CDH18: variants seen among roughly 807,000 people sequenced by gnomAD.
The protein encoded by CDH18 is cadherin-18.
Under a neutral mutation model 67.9 loss-of-function variants are expected in CDH18, and 31 were observed. The ratio of observed to expected loss-of-function variants is 0.46; its 90% confidence interval spans 0.34 to 0.62. The LOEUF is 0.62. CDH18 is among the 20% of genes least tolerant of loss of function. The probability of loss-of-function intolerance (pLI) is 0.01; values close to 1 mark genes in which losing one functional copy is unlikely to be tolerated. For synonymous variants in CDH18, 362 were observed against 347.2 expected, an observed-to-expected ratio of 1.04 and a Z score of -0.48; for missense variants, 890 against 975.5, an observed-to-expected ratio of 0.91 and a Z score of 1.17.
chr5:20,402,650 G>A (rs1450274172), intron 1 of CDH18, among the ~76,000 whole-genome samples: 1 of 152,050 alleles, frequency 6.6e-6, no homozygotes, highest in African/African-American at 2.4e-5. Context: ...TTAAAATATT[G>A]CTGAAAATTA....
intron 9 of CDH18, among the ~76,000 whole-genome samples, chr5:19,537,006 G>A (rs556945328): frequency 6.6e-6 from 1 of 152,204 alleles, no homozygotes. Context: ...ATGGTACTGT[G>A]ATGGTTAATT....
chr5:20,394,693 A>T (rs376150192), intron 1 of CDH18, among the ~76,000 whole-genome samples: 139 of 152,222 alleles, frequency 9.1e-4, no homozygotes, highest in African/African-American at 3.2e-3. Flanking sequence ...TTCAGCAAAG[A>T]CCTCACATCC....
At chr5:20,179,039 T>C (rs1342602604) in intron 2 of CDH18, among the ~76,000 whole-genome samples, 1 of 152,092 alleles carries the variant, frequency 6.6e-6, no homozygotes, top group Non-Finnish European at 1.5e-5. Flanking sequence ...TTAAATAAAC[T>C]AGTAGCAATA....
chr5:19,857,033 G>A (rs754972488), intron 2 of CDH18, among the ~76,000 whole-genome samples: 54 of 151,886 alleles, frequency 3.6e-4, no homozygotes, highest in Non-Finnish European at 7.1e-4. Flanking sequence ...GACAAGCCAG[G>A]GCAACATAGT....
intron 2 of CDH18, among the ~76,000 whole-genome samples, chr5:20,112,243 T>C (rs780749065): frequency 2.0e-5 from 3 of 152,184 alleles, no homozygotes; most frequent in Non-Finnish European, 2.9e-5. Context: ...TCAGTATTAG[T>C]TAATAATTAT....
At chr5:19,824,400 G>A (rs1402521564) in intron 3 of CDH18, among the ~76,000 whole-genome samples, 1 of 152,200 alleles carries the variant, frequency 6.6e-6, no homozygotes, top group East Asian at 1.9e-4. Context: ...ATGGGAAAGG[G>A]TGAGTGATCG....
chr5:19,772,432 T>C (rs1484416304), intron 3 of CDH18, among the ~76,000 whole-genome samples: 1 of 151,650 alleles, frequency 6.6e-6, no homozygotes, highest in Non-Finnish European at 1.5e-5. Context: ...AGAGAAAGAG[T>C]TGAAGATGTT....
rs551538893 is a variant in CDH18 at position 20,426,067 on chromosome 5, A to G, written c.-580+149395T>C. ...TAATTTTCATCAAATATTAGGCAAT[A>G]TATCAGAGCTTTGTTTGCTCTGAAC... On this transcript the variant is annotated intron_variant, in intron 1 of 14. Coordinates refer to the CDH18 transcript ENST00000507958. Among the ~76,000 whole-genome samples, 10 of 151,390 alleles carry G rather than the reference A, an allele frequency of 6.6e-5. No individual in the cohort carries two copies. The South Asian group carries it at 2.1e-3, about 31-fold the overall frequency.
chr5:19,941,710 C>A (rs78611145), intron 2 of CDH18, among the ~76,000 whole-genome samples: 3,548 of 152,058 alleles, frequency 0.023, 100 homozygotes, highest in African/African-American at 0.078. Flanking sequence ...TCACTTGAAA[C>A]CAGGAGATGA....
At chr5:20,556,132 A>C (rs1341512329) in intron 1 of CDH18, among the ~76,000 whole-genome samples, 2 of 152,182 alleles carry the variant, frequency 1.3e-5, no homozygotes, top group Non-Finnish European at 2.9e-5. Flanking sequence ...CACTAATAGA[A>C]TATTGCATAG....
chr5:19,757,252 GAGTA>G (rs1771726181), intron 3 of CDH18, among the ~76,000 whole-genome samples: 1 of 152,228 alleles, frequency 6.6e-6, no homozygotes, highest in Non-Finnish European at 1.5e-5. Flanking sequence ...CCCATATGCA[GAGTA>G]AGTGTCTATT....
At chr5:20,478,718 A>G (rs895856473) in intron 1 of CDH18, among the ~76,000 whole-genome samples, 2 of 152,022 alleles carry the variant, frequency 1.3e-5, no homozygotes, top group Admixed American at 6.5e-5. Context: ...GGCTGGATTC[A>G]CCACGTACTG....
chr5:20,021,389 C>T lies in CDH18; in HGVS notation c.-517-29375G>A, dbSNP rs117404479. ...TGAAGGACATGAGATTTGAGAGGGG[C>T]TAGAGGAGGAATAATATGGTGTGGA... On this transcript the variant is annotated intron_variant, in intron 2 of 14. Coordinates refer to the CDH18 transcript ENST00000507958. 7.0e-4 allele frequency among the ~76,000 whole-genome samples: 106 copies of T among 151,978 alleles called. 2 individuals carry two copies. The East Asian group carries it at 0.02, about 28-fold the overall frequency.
At chr5:20,256,383 T>C (rs905936692) in intron 1 of CDH18, among the ~76,000 whole-genome samples, 2 of 152,092 alleles carry the variant, frequency 1.3e-5, no homozygotes, top group Admixed American at 6.5e-5. Flanking sequence ...TGTGATTTGA[T>C]ATACGATTTC....
intron 2 of CDH18, among the ~76,000 whole-genome samples, chr5:20,025,821 G>A (rs1336793210): frequency 1.3e-5 from 2 of 152,142 alleles, no homozygotes; most frequent in East Asian, 3.9e-4. Context: ...TGTTTTCTAA[G>A]CTAGTCACCC....
chr5:20,369,106 C>T (rs1742762811), intron 1 of CDH18, among the ~76,000 whole-genome samples: 1 of 151,800 alleles, frequency 6.6e-6, no homozygotes, highest in African/African-American at 2.4e-5. Context: ...AAAAAAAGAG[C>T]TTTAGAAATC....
chr5:19,710,869 TAACCA>T (rs1764618495), intron 5 of CDH18, among the ~76,000 whole-genome samples: 1 of 152,010 alleles, frequency 6.6e-6, no homozygotes, highest in South Asian at 2.1e-4. Flanking sequence ...AAGGCTATCA[TAACCA>T]AACAGCATAG....
chr5:19,986,703 C>T (rs141175099), intron 1 of CDH18, among the ~76,000 whole-genome samples: 1 of 152,252 alleles, frequency 6.6e-6, no homozygotes, highest in African/African-American at 2.4e-5. Context: ...TAGGTGATAG[C>T]ACCAGAGTGT....
At chr5:19,760,224 T>A (rs2149701285) in intron 3 of CDH18, among the ~76,000 whole-genome samples, 1 of 152,256 alleles carries the variant, frequency 6.6e-6, no homozygotes, top group East Asian at 1.9e-4. Flanking sequence ...GTTCCCACCA[T>A]TAGATCTGAT....
Sources: allele counts gnomAD v4.1 joint callset (sites outside exome capture counted in the v4.1 genomes callset), GRCh38; gene constraint gnomAD v4.1.1; transcripts MANE v1.5; gene names NCBI Gene and HGNC (gene_info 2026-07-23, HGNC 2026-07-21).